The following RAP1A variants were observed in gnomAD, a reference collection of about 807,000 sequenced individuals.
RAP1A encodes the protein ras-related protein Rap-1A.
RAP1A carries 6 observed loss-of-function variants against 26.4 expected under a neutral mutation model. That is an observed-to-expected ratio of 0.23 (90% CI 0.12 to 0.45). The LOEUF (loss-of-function observed/expected upper bound fraction) is 0.45, where lower values mean the gene tolerates loss of function less well. RAP1A is among the 20% of genes least tolerant of loss of function. RAP1A has a pLI of 0.99. For synonymous variants in RAP1A, 73 were observed against 79.4 expected (o/e 0.92, Z 0.43); for missense variants, 121 against 217.2 (o/e 0.56, Z 2.78).
chr1:111,548,635 A>G (rs1240413086), intron 1 of RAP1A, among the ~76,000 whole-genome samples: 1 of 152,216 alleles, frequency 6.6e-6, no homozygotes, highest in East Asian at 1.9e-4. Context: ...ATCCTCTTCA[A>G]TTAGGTCACA....
At chr1:111,649,031 G>A (rs1315748193) in intron 1 of RAP1A, 4 of 620,718 alleles carry the variant, frequency 6.4e-6, no homozygotes, top group Non-Finnish European at 1.2e-5. Flanking sequence ...TGTGGAGTCC[G>A]TGGATGTCAC....
intron 1 of RAP1A, among the ~76,000 whole-genome samples, chr1:111,550,477 T>G (rs926228873): frequency 1.3e-5 from 2 of 152,194 alleles, no homozygotes; most frequent in Admixed American, 1.3e-4. Context: ...AACTGTAAAT[T>G]TCCCTCTAAG....
chr1:111,639,398 C>T (rs951085239), intron 1 of RAP1A, among the ~76,000 whole-genome samples: 1 of 152,012 alleles, frequency 6.6e-6, no homozygotes, highest in African/African-American at 2.4e-5. Flanking sequence ...GTAAACATTG[C>T]AGAAGAATTA....
At chr1:111,610,533 AAC>A (rs71099922) in intron 1 of RAP1A, among the ~76,000 whole-genome samples, 2,731 of 141,836 alleles carry the variant, frequency 0.019, 50 homozygotes, top group Middle Eastern at 0.046. Flanking sequence ...CCCTCCACCC[AAC>A]ACACACACAC....
At chr1:111,592,296 C>T (rs192831087) in intron 1 of RAP1A, among the ~76,000 whole-genome samples, 1 of 152,274 alleles carries the variant, frequency 6.6e-6, no homozygotes, top group Admixed American at 6.5e-5. Context: ...ATTCTGAAAG[C>T]CTCTCAAACA....
chr1:111,591,725 GATCCTTCT>G (rs1326776785), intron 1 of RAP1A, among the ~76,000 whole-genome samples: 9 of 152,304 alleles, frequency 5.9e-5, no homozygotes, highest in Admixed American at 5.9e-4. Flanking sequence ...CAGAGACCTG[GATCCTTCT>G]ATCTTTCTGT....
At chr1:111,542,783 G>A (rs1416534861) in intron 1 of RAP1A, among the ~76,000 whole-genome samples, 2 of 151,884 alleles carry the variant, frequency 1.3e-5, no homozygotes, top group East Asian at 1.9e-4. Context: ...TGAAACCTCC[G>A]CCTCCCGGGT....
chr1:111,642,699 G>C (rs1461396554), intron 1 of RAP1A, among the ~76,000 whole-genome samples: 2 of 151,792 alleles, frequency 1.3e-5, no homozygotes, highest in East Asian at 3.9e-4. Context: ...ATGTTAGCCA[G>C]GATGGTTTCG....
intron 1 of RAP1A, among the ~76,000 whole-genome samples, chr1:111,681,073 C>T (rs1292445936): frequency 2.6e-5 from 4 of 152,000 alleles, no homozygotes; most frequent in Admixed American, 6.6e-5. Flanking sequence ...GGTGAAACCC[C>T]GTCTCTACTA....
chr1:111,687,208 ATTTTTTTT>A (rs35277322), intron 1 of RAP1A, among the ~76,000 whole-genome samples: 102 of 131,302 alleles, frequency 7.8e-4, no homozygotes, highest in Non-Finnish European at 5.2e-4. Flanking sequence ...ATTGAGTTGA[ATTTTTTTT>A]TTTTTTTTTG....
intron 1 of RAP1A, among the ~76,000 whole-genome samples, chr1:111,621,748 C>G (rs560515713): frequency 6.6e-6 from 1 of 152,168 alleles, no homozygotes; most frequent in Non-Finnish European, 1.5e-5. Flanking sequence ...GGCATTTATT[C>G]ACAAAATTTT....
At chr1:111,649,002 T>C (rs537767577) in intron 1 of RAP1A, 6 of 622,308 alleles carry the variant, frequency 9.6e-6, no homozygotes, top group African/African-American at 9.1e-5. Flanking sequence ...CCAAGTGACA[T>C]TGATGTCATC....
intron 1 of RAP1A, among the ~76,000 whole-genome samples, chr1:111,629,939 C>T (rs941709519): frequency 6.6e-6 from 1 of 152,204 alleles, no homozygotes; most frequent in Non-Finnish European, 1.5e-5. Context: ...ATTCTCTCCC[C>T]ATCATTCCTA....
intron 1 of RAP1A, among the ~76,000 whole-genome samples, chr1:111,600,815 A>C (rs1171813930): frequency 1.3e-5 from 2 of 152,268 alleles, no homozygotes; most frequent in Non-Finnish European, 2.9e-5. Context: ...GTATCAGACT[A>C]GTTTTAAAAT....
At chr1:111,553,342 T>C (rs566251984) in intron 1 of RAP1A, among the ~76,000 whole-genome samples, 1 of 152,374 alleles carries the variant, frequency 6.6e-6, no homozygotes, top group African/African-American at 2.4e-5. Flanking sequence ...TGATTCTGCA[T>C]CACCTCTGTG....
chr1:111,543,464 T>A (rs1313252943), intron 1 of RAP1A, among the ~76,000 whole-genome samples: 1 of 152,144 alleles, frequency 6.6e-6, no homozygotes. Flanking sequence ...CATAATTGGG[T>A]CATATCACTC....
chr1:111,637,441 T>C (rs1457619675), intron 1 of RAP1A, among the ~76,000 whole-genome samples: 1 of 152,212 alleles, frequency 6.6e-6, no homozygotes, highest in African/African-American at 2.4e-5. Flanking sequence ...ATTGTATGTA[T>C]ATCTGTGTTT....
intron 1 of RAP1A, among the ~76,000 whole-genome samples, chr1:111,643,724 A>G (rs1049734399): frequency 6.6e-6 from 1 of 152,254 alleles, no homozygotes; most frequent in Non-Finnish European, 1.5e-5. Context: ...ATCCGTGCTT[A>G]TCATCAGCAC....
chr1:111,701,918 C>T (rs1169194179), intron 4 of RAP1A, among the ~76,000 whole-genome samples: 1 of 152,146 alleles, frequency 6.6e-6, no homozygotes, highest in Non-Finnish European at 1.5e-5. Context: ...AATGAAAAAT[C>T]CAGGAAACTT....
Sources: allele counts gnomAD v4.1 joint callset (sites outside exome capture counted in the v4.1 genomes callset), GRCh38; gene constraint gnomAD v4.1.1; transcripts MANE v1.5; gene names NCBI Gene and HGNC (gene_info 2026-07-23, HGNC 2026-07-21).